Variants in GDPD3 observed in about 807,000 individuals in gnomAD.
GDPD3 encodes the protein lysophospholipase D GDPD3.
In GDPD3, 40 loss-of-function variants were observed where a neutral mutation model predicts 43.7. That is an observed-to-expected ratio of 0.91 (90% confidence interval 0.71 to 1.19). The LOEUF (loss-of-function observed/expected upper bound fraction) is 1.19. Among genes scored for constraint, GDPD3 ranks in the 50% most tolerant of loss-of-function variants. The pLI is 0.00. For missense variants in GDPD3, 363 were observed against 415.8 expected, an observed-to-expected ratio of 0.87 and a Z score of 1.11; for synonymous variants, 145 against 162.9, an observed-to-expected ratio of 0.89 and a Z score of 0.84.
rs61764627 is a variant in GDPD3 at position 30,105,142 on chromosome 16, G to T, written c.820-133C>A. 8.8e-5 allele frequency: 66 copies of T among 754,064 alleles called. 1 individual carries two copies. The African/African-American group carries it at 1.2e-3, about 13-fold the overall frequency. The allele number at this position is 754,064 out of a possible 1,614,324, so 46.7% of individuals were successfully genotyped here. A position where few individuals can be genotyped will look rare whatever the true frequency, so the allele number is the denominator to read the frequency against. ...TGATTGTTAAATTCTCAGGAATTTT[G>T]CAAAGTGGTTATTAAACCCAGCCAT... is the stretch of plus-strand genomic sequence containing the variant. On this transcript the variant is annotated intron_variant, in intron 9 of 9. Transcript: ENST00000406256.
chr16:30,106,632 A>G (rs1311600719), intron 9 of GDPD3, among the ~76,000 whole-genome samples: 2 of 152,170 alleles, frequency 1.3e-5, no homozygotes, highest in Admixed American at 1.3e-4. Flanking sequence ...CCTGGGCTCA[A>G]GTGATCCTCC....
At chr16:30,109,401 T>A (rs2072884348) in intron 7 of GDPD3, among the ~76,000 whole-genome samples, 1 of 152,136 alleles carries the variant, frequency 6.6e-6, no homozygotes, top group Non-Finnish European at 1.5e-5. Flanking sequence ...CCCAGCCACT[T>A]GGGAGGCTGA....
In GDPD3 at chr16:30,112,916, G is replaced by A; in HGVS notation, c.182+106C>T. Reference sequence around the variant, plus strand: ...GCGGGATGTGCAGGCCACCTCCAGGGGGCGCCAGTCACCCAGCTAGGAAGT... The same window carrying A: ...GCGGGATGTGCAGGCCACCTCCAGGAGGCGCCAGTCACCCAGCTAGGAAGT... On this transcript the variant is annotated intron_variant, in intron 2 of 9. Coordinates refer to ENST00000406256, the MANE Select transcript of GDPD3 (RefSeq NM_024307.3). The surrounding 1 kb of genome is among the most constrained non-coding windows in gnomAD (Gnocchi z 5.4). 6.8e-7 allele frequency: 1 copy of A among 1,477,562 alleles called. No homozygotes were observed. Among genetic ancestry groups the A allele is most frequent in the Non-Finnish European group, 9.4e-7 (1 of 1,063,200 alleles). 91.5% of individuals were successfully genotyped at this position (1,477,562 alleles called of 1,614,324 possible). A position where few individuals can be genotyped will look rare whatever the true frequency, so the allele number is the denominator to read the frequency against.
chr16:30,113,300 T>C lies in GDPD3; in HGVS notation c.139+40A>G. ...CCCCCTTGGACCTACCCCTCTGTGC[T>C]GTCCACTTTGGCACCTGTTCTCACC... On this transcript the variant is annotated intron_variant, in intron 1 of 9. Transcript: ENST00000406256. This position sits in a 1 kb window ranked among gnomAD's most constrained non-coding sequence, Gnocchi z 5.9. The C allele has an allele frequency of 1.9e-6, 3 of 1,561,742 alleles. No individual in the cohort carries two copies. Among genetic ancestry groups the C allele is most frequent in the Non-Finnish European group, 2.6e-6 (3 of 1,151,594 alleles).
At chr16:30,108,129 G>T in intron 9 of GDPD3, 84 bp downstream of exon 9, 1 of 1,245,702 alleles carries the variant, frequency 8.0e-7, no homozygotes, top group Non-Finnish European at 1.1e-6. Flanking sequence ...ACCTGCCCGA[G>T]TGATGCAGCT....
rs76435425 is a variant in GDPD3, at chr16:30,112,388, C to T, written c.401G>A (p.Arg134His). The stretch of plus-strand genomic sequence containing the variant: ...AAACCTCTGGAACAGGTCCTCCAGA[C>T]GAACCATGCGCCGGTCTGACCCGTG... ...FAHGSDRRMV[R>H]LEDLFQRFPR... Residue 134 changes from arginine to histidine, a missense_variant, in exon 5 of 10, where the codon CGT becomes CAT. Coordinates refer to ENST00000406256, the MANE Select transcript of GDPD3 (RefSeq NM_024307.3). The surrounding 1 kb of genome is among the most constrained non-coding windows in gnomAD (Gnocchi z 5.4). 190 of 1,613,880 alleles carry T rather than the reference C, an allele frequency of 1.2e-4. No homozygotes were observed. The highest frequency in any genetic ancestry group is 1.1e-4 in the Non-Finnish European group (133 of 1,179,726).
In GDPD3 at chr16:30,111,592, G is replaced by A. The variant is rs1051777446; in HGVS notation, c.574-71C>T. On this transcript the variant is annotated intron_variant, in intron 6 of 9. Transcript: ENST00000406256. ...GCAGAGAGGAGGCATGAGCTGCAGG[G>A]GAGCCGTGGTGGGCATTCCAGAGGC... is the stretch of plus-strand genomic sequence containing the variant. 4 of 1,556,354 alleles carry A rather than the reference G, an allele frequency of 2.6e-6. No homozygotes were observed. The African/African-American group carries it at 5.4e-5, about 21-fold the overall frequency.
In GDPD3 at chr16:30,112,081, G is replaced by T; in HGVS notation, c.573+51C>A. The T allele has an allele frequency of 6.8e-7, 1 of 1,480,724 alleles. No individual in the cohort carries two copies. Among genetic ancestry groups the T allele is most frequent in the Non-Finnish European group, 9.4e-7 (1 of 1,061,876 alleles). 91.7% of individuals were successfully genotyped at this position (1,480,724 alleles called of 1,614,324 possible). A position where few individuals can be genotyped will look rare whatever the true frequency, so the allele number is the denominator to read the frequency against. ...GCTGGGTGGGCTCCAGCTCTGGGGA[G>T]GAGGGGCCCCTGGAGGAGGAAGAGG... On this transcript the variant is annotated intron_variant, in intron 6 of 9. Coordinates refer to ENST00000406256, the MANE Select transcript of GDPD3 (RefSeq NM_024307.3). The surrounding 1 kb of genome is among the most constrained non-coding windows in gnomAD (Gnocchi z 5.4).
intron 7 of GDPD3, chr16:30,110,543 A>G (rs2151041129): frequency 6.6e-6 from 1 of 152,208 alleles, no homozygotes; most frequent in Middle Eastern, 3.4e-3. Flanking sequence ...AGAGGGGAGC[A>G]GAGAGCTCTG....
At position 30,111,372 on chromosome 16, in the gene GDPD3, C is replaced by T. The variant is rs542015425; in HGVS notation, c.707+16G>A. ...AGCAGTGGGGAGTTTTTCTGAGGTC[C>T]GCCCCCCACTGGTACCTGTTGATGA... On this transcript the variant is annotated intron_variant, in intron 7 of 9. Transcript: ENST00000406256. 214 of 1,612,498 alleles carry T rather than the reference C, an allele frequency of 1.3e-4. No homozygotes were observed. The highest frequency in any genetic ancestry group is 1.7e-4 in the Non-Finnish European group (202 of 1,179,176).
In GDPD3 at chr16:30,104,918, A is replaced by G. The variant is rs1567349255; in HGVS notation, c.911T>C (p.Leu304Pro). 9 of 1,612,696 alleles carry G rather than the reference A, an allele frequency of 5.6e-6. No individual in the cohort carries two copies. The highest frequency in any genetic ancestry group is 7.6e-6 in the Non-Finnish European group (9 of 1,179,972). Residue 304 changes from leucine (L) to proline (P), a missense_variant, in exon 10 of 10, where the codon CTG becomes CCG. By Grantham distance (98) the Leu-to-Pro change is moderately conservative. Transcript: ENST00000406256. ...TGVITDYPTA[L>P]RHYLDNHGPA... ...TCCATGGTTGTCCAGGTAGTGCCGC[A>G]GGGCTGTGGGATAATCCGTTATGAC...
At chr16:30,110,906 A>C (rs2072894285) in intron 7 of GDPD3, 1 of 150,856 alleles carries the variant, frequency 6.6e-6, no homozygotes, top group African/African-American at 2.5e-5. Flanking sequence ...ACTAGGCTTA[A>C]GTGCCAGCGA....
Position 30,112,685 on chromosome 16 carries a change from G to A in GDPD3, c.291C>T (p.Asn97=), listed in dbSNP as rs1406263673. Residue 97 remains asparagine, a synonymous_variant, in exon 3 of 10, where the codon AAC becomes AAT. Coordinates refer to ENST00000406256, the MANE Select transcript of GDPD3 (RefSeq NM_024307.3). The surrounding 1 kb of genome is among the most constrained non-coding windows in gnomAD (Gnocchi z 5.4). ...DENLCRQSGL[N]RDVGSLDFED... is the part of the protein sequence containing the mutation. ...CGAAGTCCAGGCTGCCCACATCCCT[G>A]TTTAGGCCCGACTGGCGGCACAGGT... 1 of 1,614,072 alleles carries A rather than the reference G, an allele frequency of 6.2e-7. No individual in the cohort carries two copies. Among genetic ancestry groups the A allele is most frequent in the East Asian group, 2.2e-5 (1 of 44,876 alleles).
Position 30,113,235 on chromosome 16 carries a change from G to C in GDPD3, c.139+105C>G. The C allele has an allele frequency of 6.9e-7, 1 of 1,457,980 alleles. No individual in the cohort carries two copies. Among genetic ancestry groups the C allele is most frequent in the Admixed American group, 2.1e-5 (1 of 47,558 alleles). The allele number at this position is 1,457,980 out of a possible 1,614,324, so 90.3% of individuals were successfully genotyped here. A position where few individuals can be genotyped will look rare whatever the true frequency, so the allele number is the denominator to read the frequency against. ...CGTCCACACCCTGCCCTGCCACTTC[G>C]CTCTCCTTCTCTCTTGGTCCCTGCC... On this transcript the variant is annotated intron_variant, in intron 1 of 9. Coordinates refer to ENST00000406256, the MANE Select transcript of GDPD3 (RefSeq NM_024307.3). This position sits in a 1 kb window ranked among gnomAD's most constrained non-coding sequence, Gnocchi z 5.9.
chr16:30,109,577 C>T (rs911150372), intron 7 of GDPD3, among the ~76,000 whole-genome samples: 1 of 151,964 alleles, frequency 6.6e-6, no homozygotes, highest in Admixed American at 6.6e-5. Context: ...GAGGCCGAGG[C>T]GGGTGGATCA....
chr16:30,111,884 G>T, intron 6 of GDPD3: 1 of 570,070 alleles, frequency 1.8e-6, no homozygotes, highest in South Asian at 2.1e-5. Flanking sequence ...AGTGAGCCGA[G>T]GTCGCACCAC....
intron 7 of GDPD3, 127 bp from the exon 8 acceptor site, chr16:30,108,559 A>C: frequency 1.2e-6 from 1 of 807,026 alleles, no homozygotes; most frequent in Non-Finnish European, 2.1e-6. Flanking sequence ...CCCCAGAATA[A>C]CCTTTGTAGT....
At chr16:30,111,837 G>C (rs2072901812) in intron 6 of GDPD3, 1 of 537,382 alleles carries the variant, frequency 1.9e-6, no homozygotes, top group Non-Finnish European at 3.3e-6. Flanking sequence ...GGAGGCTGAA[G>C]CATGAGAATC....
chr16:30,113,152 A>G lies in GDPD3; in HGVS notation c.140-88T>C. On this transcript the variant is annotated intron_variant, in intron 1 of 9. Coordinates refer to ENST00000406256, the MANE Select transcript of GDPD3 (RefSeq NM_024307.3). This position sits in a 1 kb window ranked among gnomAD's most constrained non-coding sequence, Gnocchi z 5.9. ...CACCCACATTCCCTCTCTGGGCTCCATCCTCCCTCTGGCCTCACCTCCCCA... is the reference window on the plus strand; with the variant it reads ...CACCCACATTCCCTCTCTGGGCTCCGTCCTCCCTCTGGCCTCACCTCCCCA... 1.4e-6 allele frequency: 2 copies of G among 1,395,396 alleles called. No individual in the cohort carries two copies. Among genetic ancestry groups the G allele is most frequent in the South Asian group, 2.5e-5 (2 of 78,656 alleles). The allele number at this position is 1,395,396 out of a possible 1,614,324, so 86.4% of individuals were successfully genotyped here. A position where few individuals can be genotyped will look rare whatever the true frequency, so the allele number is the denominator to read the frequency against.
Sources: allele counts gnomAD v4.1 joint callset (sites outside exome capture counted in the v4.1 genomes callset), GRCh38; gene constraint gnomAD v4.1.1; non-coding constraint Gnocchi (gnomAD v3.1); transcripts MANE v1.5; gene names NCBI Gene and HGNC (gene_info 2026-07-23, HGNC 2026-07-21).